Variants in APBB2 observed in about 807,000 individuals in gnomAD.
APBB2 encodes amyloid beta precursor protein binding family B member 2.
In APBB2, 38 loss-of-function variants were observed where a neutral mutation model predicts 82.5. The ratio of observed to expected loss-of-function variants is 0.46; its 90% confidence interval spans 0.36 to 0.60. The LOEUF is 0.60. APBB2 is among the 20% of genes least tolerant of loss of function. APBB2 has a pLI of 0.00. For synonymous variants in APBB2, 341 were observed against 368.2 expected (o/e 0.93, Z 0.85); for missense variants, 772 against 972.3 (o/e 0.79, Z 2.74).
intron 12 of APBB2, among the ~76,000 whole-genome samples, chr4:40,862,733 C>T (rs1032718903): frequency 6.6e-6 from 1 of 152,068 alleles, no homozygotes; most frequent in Non-Finnish European, 1.5e-5. Context: ...GTGGCAGGCA[C>T]CTACAATCCC....
At chr4:41,098,624 C>T (rs564602032) in intron 3 of APBB2, among the ~76,000 whole-genome samples, 4 of 152,268 alleles carry the variant, frequency 2.6e-5, no homozygotes, top group African/African-American at 7.2e-5. Flanking sequence ...TACAACAATG[C>T]TACAATGTAT....
intron 12 of APBB2, chr4:40,856,849 C>G (rs997641074): frequency 2.7e-6 from 2 of 738,898 alleles, no homozygotes; most frequent in Non-Finnish European, 3.3e-6. Context: ...CCCTTCCAGC[C>G]GTCCAGGACC....
intron 5 of APBB2, among the ~76,000 whole-genome samples, chr4:41,032,560 G>A (rs2154442086): frequency 6.6e-6 from 1 of 152,188 alleles, no homozygotes; most frequent in South Asian, 2.1e-4. Flanking sequence ...GATGCAGATT[G>A]AGAAACGCAA....
intron 6 of APBB2, among the ~76,000 whole-genome samples, chr4:40,991,354 T>G (rs1463575814): frequency 1.3e-5 from 2 of 151,866 alleles, no homozygotes; most frequent in Admixed American, 1.3e-4. Context: ...TGCTTCCTGG[T>G]ATTGATTTTT....
chr4:40,985,619 AC>A (rs1800230272), intron 6 of APBB2, among the ~76,000 whole-genome samples: 1 of 152,184 alleles, frequency 6.6e-6, no homozygotes, highest in Non-Finnish European at 1.5e-5. Context: ...TAATCCACAA[AC>A]TGTAATAAAG....
rs17103 is a variant in APBB2 at position 40,916,133 on chromosome 4, T to C, written c.1254+18323A>G. 2.6e-5 allele frequency among the ~76,000 whole-genome samples: 4 copies of C among 152,118 alleles called. No homozygotes were observed. In the South Asian group the frequency reaches 8.3e-4, roughly 32 times the overall value. ...GAAGAGAAAACATTTTAGGTAGTTG[T>C]TCTAAAGAATTTGCTGTAAATTAGA... On this transcript the variant is annotated intron_variant, in intron 10 of 17. Transcript: ENST00000508593.
chr4:41,128,962 C>G (rs1452754885), intron 2 of APBB2, among the ~76,000 whole-genome samples: 1 of 152,158 alleles, frequency 6.6e-6, no homozygotes, highest in Non-Finnish European at 1.5e-5. Flanking sequence ...ATTTATCTAC[C>G]CCTAAGCCCC....
intron 4 of APBB2, 86 bp from the exon 5 acceptor site, chr4:41,033,390 A>C (rs1579412283): frequency 1.1e-6 from 1 of 950,402 alleles, no homozygotes; most frequent in Non-Finnish European, 1.5e-6. Context: ...AAATCTCTCC[A>C]AAAGCTGTTA....
rs566551619 is a variant in APBB2 at position 40,826,437 on chromosome 4, C to A, written c.1733-467G>T. On this transcript the variant is annotated intron_variant, in intron 14 of 17. Transcript: ENST00000508593. This position sits in a 1 kb window ranked among gnomAD's most constrained non-coding sequence, Gnocchi z 4.5. ...CCAGGCTGGAGTGCAGTGGTGCGAT[C>A]TTGGCTCGCTGCAACCTCCATCTCC... is the stretch of plus-strand genomic sequence containing the variant. Among the ~76,000 whole-genome samples, 77 of 151,586 alleles carry A rather than the reference C, an allele frequency of 5.1e-4. No individual in the cohort carries two copies. The highest frequency in any genetic ancestry group is 9.9e-4 in the Non-Finnish European group (67 of 67,964).
chr4:41,149,232 G>A (rs1260151609), intron 1 of APBB2, among the ~76,000 whole-genome samples: 1 of 150,860 alleles, frequency 6.6e-6, no homozygotes, highest in African/African-American at 2.4e-5. Flanking sequence ...TTTACCACGG[G>A]GAATATCAAT....
intron 10 of APBB2, among the ~76,000 whole-genome samples, chr4:40,907,342 ATAT>A (rs1777063739): frequency 2.0e-5 from 2 of 99,154 alleles, no homozygotes; most frequent in African/African-American, 7.9e-5. Context: ...TTAATTTAAT[ATAT>A]TACATATATA....
intron 2 of APBB2, among the ~76,000 whole-genome samples, chr4:41,111,736 T>C (rs1297269594): frequency 6.6e-6 from 1 of 152,212 alleles, no homozygotes; most frequent in African/African-American, 2.4e-5. Flanking sequence ...ACAAATATAC[T>C]TAAAAGGACT....
At chr4:41,109,383 C>T (rs1039553148) in intron 2 of APBB2, among the ~76,000 whole-genome samples, 4 of 151,934 alleles carry the variant, frequency 2.6e-5, no homozygotes, top group African/African-American at 4.8e-5. Context: ...TTCCACCTCC[C>T]GGGTTCAAGC....
At chr4:41,025,231 C>T (rs1044613985) in intron 5 of APBB2, among the ~76,000 whole-genome samples, 1 of 152,074 alleles carries the variant, frequency 6.6e-6, no homozygotes, top group Non-Finnish European at 1.5e-5. Flanking sequence ...AGGACATGAA[C>T]AGACACTTCT....
intron 2 of APBB2, among the ~76,000 whole-genome samples, chr4:41,128,903 C>T (rs1442638897): frequency 6.6e-6 from 1 of 152,160 alleles, no homozygotes; most frequent in African/African-American, 2.4e-5. Flanking sequence ...GCATTTCCAG[C>T]CCCTTGCATC....
intron 2 of APBB2, among the ~76,000 whole-genome samples, chr4:41,105,801 G>C (rs1339990198): frequency 1.3e-5 from 2 of 151,708 alleles, no homozygotes; most frequent in East Asian, 1.9e-4. Context: ...CAGGAGAATG[G>C]CGTGAACCCG....
At chr4:41,102,581 C>A (rs1745852395) in intron 2 of APBB2, among the ~76,000 whole-genome samples, 1 of 152,182 alleles carries the variant, frequency 6.6e-6, no homozygotes, top group Non-Finnish European at 1.5e-5. Context: ...AAACCAGCTG[C>A]ATATGGTTAC....
At chr4:41,166,565 G>A (rs1287235270) in intron 1 of APBB2, among the ~76,000 whole-genome samples, 3 of 144,628 alleles carry the variant, frequency 2.1e-5, no homozygotes, top group African/African-American at 5.2e-5. Context: ...TCAACAGAGC[G>A]AGACTGTCAA....
At position 40,944,987 on chromosome 4, in the gene APBB2, A is replaced by G; in HGVS notation, c.922T>C (p.Tyr308His). 5 of 1,613,348 alleles carry G rather than the reference A, an allele frequency of 3.1e-6. No individual in the cohort carries two copies. The highest frequency in any genetic ancestry group is 4.2e-6 in the Non-Finnish European group (5 of 1,179,754). ...GTCGTTCCTGTTGGGATGTGCCAAT[A>G]ATAGGTCCCGGCAATGTCACTGACT... Reference protein sequence around the residue: ...KRVSDIAGTYYWHIPTGTTQW... With the variant: ...KRVSDIAGTYHWHIPTGTTQW... The change falls in exon 7 of 18, where the codon TAT (tyrosine) becomes CAT (histidine). Residue 308 changes from tyrosine (Y) to histidine (H), a missense_variant. Transcript: ENST00000508593.
Sources: allele counts gnomAD v4.1 joint callset (sites outside exome capture counted in the v4.1 genomes callset), GRCh38; gene constraint gnomAD v4.1.1; non-coding constraint Gnocchi (gnomAD v3.1); transcripts MANE v1.5; gene names NCBI Gene and HGNC (gene_info 2026-07-23, HGNC 2026-07-21).